The following ZFAND3 variants were observed in gnomAD, a reference collection of about 807,000 sequenced individuals.
ZFAND3 encodes AN1-type zinc finger protein 3.
ZFAND3 carries 10 observed loss-of-function variants against 29.6 expected under a neutral mutation model. The observed-to-expected ratio is 0.34, with a 90% CI of 0.21 to 0.57. The LOEUF (loss-of-function observed/expected upper bound fraction) is 0.57. Among genes scored for constraint, ZFAND3 ranks in the 20% least tolerant of loss-of-function variants. ZFAND3 has a pLI of 0.86. For missense variants in ZFAND3, 230 were observed against 304.5 expected (o/e 0.76, Z 1.82); for synonymous variants, 128 against 112.6 (o/e 1.14, Z -0.87).
intron 1 of ZFAND3, among the ~76,000 whole-genome samples, chr6:37,928,180 C>T (rs1299831473): frequency 1.3e-5 from 2 of 152,176 alleles, no homozygotes; most frequent in African/African-American, 4.8e-5. Context: ...CCCTTTCCCC[C>T]ATCTTGTGAC....
intron 2 of ZFAND3, among the ~76,000 whole-genome samples, chr6:37,975,322 T>G (rs1762460157): frequency 6.6e-6 from 1 of 152,128 alleles, no homozygotes; most frequent in African/African-American, 2.4e-5. Flanking sequence ...TTAAATTGGG[T>G]TTTTTTCTTT....
At chr6:37,958,734 GC>G (rs560716487) in intron 2 of ZFAND3, among the ~76,000 whole-genome samples, 54 of 150,442 alleles carry the variant, frequency 3.6e-4, no homozygotes, top group Admixed American at 2.8e-3. Context: ...TTTCAGGACC[GC>G]CCCCCCCTTC....
chr6:37,933,596 A>T (rs1025010316), intron 2 of ZFAND3, among the ~76,000 whole-genome samples: 1 of 152,334 alleles, frequency 6.6e-6, no homozygotes, highest in Admixed American at 6.5e-5. Context: ...GTTGCTGGTA[A>T]ACTATATACC....
chr6:38,110,834 G>A (rs1765301586), intron 4 of ZFAND3, among the ~76,000 whole-genome samples: 1 of 152,144 alleles, frequency 6.6e-6, no homozygotes, highest in Non-Finnish European at 1.5e-5. Context: ...TTGTACGGAG[G>A]CCTAAAAGCC....
intron 1 of ZFAND3, among the ~76,000 whole-genome samples, chr6:37,921,403 G>T (rs1761376051): frequency 1.3e-5 from 2 of 149,898 alleles, no homozygotes. Flanking sequence ...TATTTTTCTT[G>T]TGCCCTAGGT....
At chr6:38,137,191 G>A (rs1581950225) in intron 5 of ZFAND3, among the ~76,000 whole-genome samples, 1 of 152,332 alleles carries the variant, frequency 6.6e-6, no homozygotes, top group East Asian at 1.9e-4. Context: ...AGCTCAGCAA[G>A]TGTAGGCTCC....
At chr6:37,839,421 A>G (rs1466789489) in intron 1 of ZFAND3, among the ~76,000 whole-genome samples, 2 of 151,910 alleles carry the variant, frequency 1.3e-5, no homozygotes, top group Non-Finnish European at 2.9e-5. Context: ...ACCTCAAGTG[A>G]TCTGCCTGCC....
rs1561925912 is a variant in ZFAND3 at position 37,896,550 on chromosome 6, CTTTCTTTCTTTCTTTCTT to C, written c.72-33407_72-33390del. ...TCTTTCTTTCTTTCTTTCTTTCTTTCTTTCTTTCTTTCTTTCTTTCTCTCTTTCTCTCTCTTTCTCTTT... is the reference window on the plus strand; with the variant it reads ...TCTTTCTTTCTTTCTTTCTTTCTTTCTCTCTCTTTCTCTCTCTTTCTCTTT... On this transcript the variant is annotated intron_variant, in intron 1 of 5. Transcript: ENST00000287218. Among the ~76,000 whole-genome samples, 39 of 126,016 alleles carry C rather than the reference CTTTCTTTCTTTCTTTCTT, an allele frequency of 3.1e-4. No homozygotes were observed. In the East Asian group the frequency reaches 6.9e-3, roughly 22 times the overall value. 82.7% of individuals were successfully genotyped at this position (126,016 alleles called of 152,430 possible).
intron 2 of ZFAND3, among the ~76,000 whole-genome samples, chr6:37,963,529 A>G (rs1762236822): frequency 6.6e-6 from 1 of 152,150 alleles, no homozygotes; most frequent in Non-Finnish European, 1.5e-5. Flanking sequence ...ACAAGAAATC[A>G]ATGAAACAAA....
intron 5 of ZFAND3, among the ~76,000 whole-genome samples, chr6:38,123,561 T>C (rs1019659505): frequency 4.6e-5 from 7 of 152,206 alleles, no homozygotes; most frequent in Non-Finnish European, 8.8e-5. Context: ...AAAACTGATT[T>C]GACTGGTGAA....
At chr6:37,944,220 G>T (rs970215968) in intron 2 of ZFAND3, among the ~76,000 whole-genome samples, 10 of 152,018 alleles carry the variant, frequency 6.6e-5, no homozygotes, top group Non-Finnish European at 1.5e-5. Flanking sequence ...TTTTATATGA[G>T]ATTTTATACC....
At chr6:37,984,159 T>G (rs1762626600) in intron 2 of ZFAND3, among the ~76,000 whole-genome samples, 1 of 152,240 alleles carries the variant, frequency 6.6e-6, no homozygotes, top group East Asian at 1.9e-4. Flanking sequence ...ACTTCCATAA[T>G]GTGTCTTATA....
intron 3 of ZFAND3, among the ~76,000 whole-genome samples, chr6:38,069,791 G>A (rs1581891420): frequency 6.6e-6 from 1 of 152,324 alleles, no homozygotes; most frequent in South Asian, 2.1e-4. Flanking sequence ...AGTTGGATAG[G>A]AACTTGTTTA....
chr6:38,052,450 T>C (rs1038055274), intron 2 of ZFAND3, among the ~76,000 whole-genome samples: 3 of 152,198 alleles, frequency 2.0e-5, no homozygotes, highest in African/African-American at 7.2e-5. Flanking sequence ...CCATTTTAAA[T>C]TGTCTGTAAG....
At chr6:37,965,818 A>G (rs534248312) in intron 2 of ZFAND3, among the ~76,000 whole-genome samples, 1 of 152,242 alleles carries the variant, frequency 6.6e-6, no homozygotes, top group Admixed American at 6.5e-5. Flanking sequence ...CTGGAGTGCA[A>G]TGGCATGATC....
At chr6:37,972,964 T>TTTATTTTGAAAGTTATTTGAA (rs1762415322) in intron 2 of ZFAND3, among the ~76,000 whole-genome samples, 1 of 152,176 alleles carries the variant, frequency 6.6e-6, no homozygotes, top group African/African-American at 2.4e-5. Context: ...AATAAAGTGG[T>TTTATTTTGAAAGTTATTTGAA]AGTTTATTTT....
At chr6:37,993,189 AAAAC>A (rs1246459755) in intron 2 of ZFAND3, among the ~76,000 whole-genome samples, 1 of 152,190 alleles carries the variant, frequency 6.6e-6, no homozygotes, top group Non-Finnish European at 1.5e-5. Flanking sequence ...TCTAGAAAAA[AAAAC>A]AGGTTATTTA....
At chr6:38,021,469 C>G (rs1292043818) in intron 2 of ZFAND3, among the ~76,000 whole-genome samples, 1 of 152,032 alleles carries the variant, frequency 6.6e-6, no homozygotes, top group Non-Finnish European at 1.5e-5. Context: ...TTCAATGATA[C>G]CCCCAGGACT....
At chr6:37,869,009 A>G (rs974174403) in intron 1 of ZFAND3, among the ~76,000 whole-genome samples, 2 of 152,206 alleles carry the variant, frequency 1.3e-5, no homozygotes, top group East Asian at 3.8e-4. Context: ...AGTTAGGGCT[A>G]TTAGGATTTT....
Sources: allele counts gnomAD v4.1 joint callset (sites outside exome capture counted in the v4.1 genomes callset), GRCh38; gene constraint gnomAD v4.1.1; transcripts MANE v1.5; gene names NCBI Gene and HGNC (gene_info 2026-07-23, HGNC 2026-07-21).